HCK: variants seen among roughly 807,000 people sequenced by gnomAD.
HCK encodes tyrosine-protein kinase HCK.
A neutral mutation model predicts 70.4 loss-of-function variants in HCK; 40 were observed. The observed-to-expected ratio is 0.57, with a 90% CI of 0.44 to 0.74. The LOEUF is 0.74. Ranked by LOEUF, HCK falls within the 30% of genes least tolerant of loss-of-function variation. The pLI, the probability that HCK is intolerant of heterozygous loss-of-function variation, is 0.00. For synonymous variants in HCK, 245 were observed against 263.2 expected (o/e 0.93, Z 0.67); for missense variants, 568 against 697.2 (o/e 0.81, Z 2.09).
chr20:32,064,654 A>T (rs2045430347), intron 1 of HCK, among the ~76,000 whole-genome samples: 1 of 146,204 alleles, frequency 6.8e-6, no homozygotes, highest in South Asian at 2.1e-4. Flanking sequence ...TTTCTGCTTA[A>T]GCATAGAAGC....
chr20:32,100,714 C>A (rs1422376904), intron 12 of HCK, among the ~76,000 whole-genome samples: 2 of 151,964 alleles, frequency 1.3e-5, no homozygotes, highest in African/African-American at 2.4e-5. Context: ...TTGAACTGAA[C>A]AAAAAAATGG....
At chr20:32,082,454 C>T (rs2045720815) in intron 6 of HCK, among the ~76,000 whole-genome samples, 1 of 151,898 alleles carries the variant, frequency 6.6e-6, no homozygotes, top group Non-Finnish European at 1.5e-5. Flanking sequence ...CCAGCCTGGC[C>T]AGCATGGTGA....
intron 2 of HCK, 148 bp from the exon 3 acceptor site, chr20:32,073,171 C>T (rs1600719840): frequency 4.6e-6 from 3 of 655,682 alleles, no homozygotes; most frequent in Non-Finnish European, 5.4e-6. Flanking sequence ...CGTGTGGTGC[C>T]AGGCATGTCC....
At chr20:32,083,872 G>T in intron 6 of HCK, 22 bp from the exon 7 acceptor site, 1 of 1,613,948 alleles carries the variant, frequency 6.2e-7, no homozygotes, top group Non-Finnish European at 8.5e-7. Flanking sequence ...CATTCTGAGG[G>T]GTTTCTCTTT....
intron 5 of HCK, among the ~76,000 whole-genome samples, chr20:32,077,844 A>G (rs114810008): frequency 0.01 from 1,525 of 151,646 alleles, 32 homozygotes; most frequent in African/African-American, 0.035. Context: ...TTTTTATACC[A>G]CAGGGCGTCT....
At chr20:32,058,541 A>G (rs2122463007) in intron 1 of HCK, among the ~76,000 whole-genome samples, 2 of 150,330 alleles carry the variant, frequency 1.3e-5, no homozygotes, top group Non-Finnish European at 3.0e-5. Flanking sequence ...AAAAAAAAAA[A>G]AAAGGGGGAG....
chr20:32,094,807 A>AAGAAAG (rs2045928376), intron 11 of HCK, among the ~76,000 whole-genome samples: 2 of 89,342 alleles, frequency 2.2e-5, no homozygotes, highest in African/African-American at 6.6e-5. Flanking sequence ...GAAAGAAAGA[A>AAGAAAG]AGAAAGAAAG....
intron 5 of HCK, among the ~76,000 whole-genome samples, chr20:32,076,638 C>T (rs2045630323): frequency 6.6e-6 from 1 of 152,200 alleles, no homozygotes; most frequent in Non-Finnish European, 1.5e-5. Flanking sequence ...GGTTCTCAGA[C>T]ATGAGCAGCA....
At chr20:32,097,615 A>C (rs1358130027) in intron 11 of HCK, among the ~76,000 whole-genome samples, 1 of 151,246 alleles carries the variant, frequency 6.6e-6, no homozygotes, top group East Asian at 1.9e-4. Context: ...AATAAATGTA[A>C]TGACTAAAGG....
intron 5 of HCK, among the ~76,000 whole-genome samples, chr20:32,078,482 G>C (rs557823654): frequency 1.8e-4 from 28 of 152,230 alleles, no homozygotes; most frequent in African/African-American, 6.7e-4. Flanking sequence ...AGACTGCCTA[G>C]CTTCAAATCC....
intron 9 of HCK, among the ~76,000 whole-genome samples, chr20:32,087,590 C>T (rs549311082): frequency 6.6e-6 from 1 of 152,174 alleles, no homozygotes; most frequent in Admixed American, 6.5e-5. Flanking sequence ...ACTTAGTCTC[C>T]CCAGTAGCTG....
Position 32,074,609 on chromosome 20 carries a change from C to T in HCK, c.330-14C>T. ...CTTCTGTCCCTAACACCTTTACTCC[C>T]TCATGTCCCTCAGATCCGGGGAGTG... On this transcript the variant is annotated splice_polypyrimidine_tract_variant and intron_variant, in intron 4 of 12. Transcript: ENST00000375852. 5.0e-6 allele frequency: 8 copies of T among 1,588,322 alleles called. No homozygotes were observed. Among genetic ancestry groups the T allele is most frequent in the Non-Finnish European group, 6.9e-6 (8 of 1,156,552 alleles).
intron 11 of HCK, among the ~76,000 whole-genome samples, chr20:32,094,841 GAAAGAAAGA>G: frequency 8.0e-6 from 1 of 125,334 alleles, no homozygotes; most frequent in Non-Finnish European, 1.8e-5. Flanking sequence ...AAGAAAGAAA[GAAAGAAAGA>G]AAAGAAAGAA....
intron 1 of HCK, among the ~76,000 whole-genome samples, chr20:32,070,499 C>T (rs918421935): frequency 6.6e-6 from 1 of 152,134 alleles, no homozygotes; most frequent in Non-Finnish European, 1.5e-5. Context: ...GTTCCCTCTG[C>T]CTGGAACACT....
chr20:32,094,020 G>A lies in HCK; in HGVS notation c.1246+4G>A. 6.2e-7 allele frequency: 1 copy of A among 1,610,844 alleles called. No individual in the cohort carries two copies. The highest frequency in any genetic ancestry group is 8.5e-7 in the Non-Finnish European group (1 of 1,178,802). On this transcript the variant is annotated splice_donor_region_variant and intron_variant, in intron 11 of 12. Coordinates refer to ENST00000375852, the MANE Select transcript of HCK (RefSeq NM_002110.5). ...AACGAGTACACGGCTCGGGAAGGTA[G>A]GGAACGCTGCCAAGCAGCCCCACGT...
At chr20:32,097,731 ACACT>A (rs1912778932) in intron 11 of HCK, among the ~76,000 whole-genome samples, 1 of 152,152 alleles carries the variant, frequency 6.6e-6, no homozygotes, top group Non-Finnish European at 1.5e-5. Context: ...ACACACACAC[ACACT>A]CTCACACACA....
chr20:32,086,917 A>G, intron 9 of HCK, 110 bp downstream of exon 9: 1 of 968,146 alleles, frequency 1.0e-6, no homozygotes, highest in Admixed American at 2.8e-5. Flanking sequence ...CAATCTGGCC[A>G]GGAGCTCTTC....
rs1323164384 is a variant in HCK, at chr20:32,071,669, T to A, written c.70T>A (p.Cys24Ser). Reference sequence around the variant, plus strand: ...CCCTTCTGTCTGCTGCAGGATGGGGTGCATGAAGTCCAAGTTCCTCCAGGT... The same window carrying A: ...CCCTTCTGTCTGCTGCAGGATGGGGAGCATGAAGTCCAAGTTCCTCCAGGT... The change falls in exon 2 of 13, where the codon TGC becomes AGC. Residue 24 changes from cysteine to serine, a missense_variant. Physicochemically the swap from Cys to Ser is moderately radical, Grantham distance 112. Transcript: ENST00000375852. 6.2e-7 allele frequency: 1 copy of A among 1,613,876 alleles called. No homozygotes were observed. The highest frequency in any genetic ancestry group is 1.7e-5 in the Admixed American group (1 of 59,980).
chr20:32,077,550 G>A lies in HCK; in HGVS notation c.429-2224G>A, dbSNP rs550070978. Among the ~76,000 whole-genome samples the A allele has an allele frequency of 4.5e-3, 677 of 152,036 alleles. 3 individuals carry two copies. Among genetic ancestry groups the A allele is most frequent in the Non-Finnish European group, 6.8e-3 (459 of 67,986 alleles). ...TTTGTTTTGTTTTGTTTTTTAGGTG[G>A]AGTTTCTCTCTTGTTGCCCAGGCTG... On this transcript the variant is annotated intron_variant, in intron 5 of 12. Transcript: ENST00000375852.
Sources: gnomAD v4.1 joint callset for allele counts (sites outside exome capture counted in the v4.1 genomes callset) on GRCh38, gnomAD v4.1.1 for gene constraint, MANE v1.5 for transcripts, NCBI Gene and HGNC (gene_info 2026-07-23, HGNC 2026-07-21) for gene names.